The following ATP5F1A variants were observed in gnomAD, a reference collection of about 807,000 sequenced individuals.
ATP5F1A encodes ATP synthase F1 subunit alpha, also known as ATP synthase F(1) complex subunit alpha, mitochondrial.
ATP5F1A carries 24 observed loss-of-function variants against 57.4 expected under a neutral mutation model. The ratio of observed to expected loss-of-function variants is 0.42; its 90% CI spans 0.30 to 0.59. The LOEUF is 0.59. ATP5F1A is among the 20% of genes least tolerant of loss of function. The pLI is 0.19. For missense variants in ATP5F1A, 494 were observed against 707.9 expected (o/e 0.70, Z 3.43); for synonymous variants, 251 against 255.5 (o/e 0.98, Z 0.17).
Position 46,091,686 on chromosome 18 carries a change from A to G in ATP5F1A, c.305T>C (p.Leu102Ser). The G allele has an allele frequency of 6.3e-7, 1 of 1,597,100 alleles. No individual in the cohort carries two copies. The highest frequency in any genetic ancestry group is 8.5e-7 in the Non-Finnish European group (1 of 1,173,802). ...AEEMVEFSSG[L>S]KGMSLNLEPD... ...AAATCTTATTTTATAATTTACCTTT[A>G]AGCCTGAAGAAAACTCTACCATTTC... is the stretch of plus-strand genomic sequence containing the variant. Residue 102 changes from leucine (L) to serine (S), a missense_variant, in exon 3 of 12, where the codon TTA (leucine) becomes TCA (serine). By Grantham distance (145) the Leu-to-Ser change is moderately radical (BLOSUM62 -2). Transcript: ENST00000398752.
intron 2 of ATP5F1A, among the ~76,000 whole-genome samples, chr18:46,092,416 C>T (rs1910633663): frequency 6.6e-6 from 1 of 150,732 alleles, no homozygotes; most frequent in South Asian, 2.1e-4. Context: ...CGAGACCAGC[C>T]TGGCCAACAT....
rs370409379 is a variant in ATP5F1A, at chr18:46,081,953, A to C, written c.*2329T>G. The C allele has an allele frequency of 6.6e-6, 1 of 151,898 alleles. No individual in the cohort carries two copies. The highest frequency in any genetic ancestry group is 1.5e-5 in the Non-Finnish European group (1 of 67,984). The allele number at this position is 151,898 out of a possible 1,614,324, so 9.4% of individuals were successfully genotyped here. On this transcript the variant is annotated 3_prime_UTR_variant, in exon 12 of 12. Transcript: ENST00000398752. ...TACTGGAGACAGAGAGATGGATAAG[A>C]ATGAAGTTTCGGTACAGCAAATCCC... is the stretch of plus-strand genomic sequence containing the variant.
chr18:46,098,955 G>A (rs959545977), upstream of ATP5F1A, among the ~76,000 whole-genome samples: 5 of 152,194 alleles, frequency 3.3e-5, no homozygotes, highest in African/African-American at 1.2e-4. Context: ...ATAACCGGGG[G>A]AGGGGAGCAT....
In ATP5F1A at chr18:46,089,723, C is replaced by T. The variant is rs896623467; in HGVS notation, c.493G>A (p.Gly165Ser). Residue 165 changes from glycine (G) to serine (S), a missense_variant, in exon 5 of 12, where the codon GGT (glycine) becomes AGT (serine). This residue lies in a region of ATP5F1A where 191 missense variants were observed against 267.7 expected (regional missense o/e 0.71). Transcript: ENST00000398752. ...CCAACTCGCCTACGCGTCTTGGAAC[C>T]AATTGGACCCTGTTAAAAAATAAAA... ...GNAIDGKGPI[G>S]SKTRRRVGLK... The T allele has an allele frequency of 1.2e-6, 2 of 1,613,484 alleles. No homozygotes were observed. Among genetic ancestry groups the T allele is most frequent in the South Asian group, 1.1e-5 (1 of 90,978 alleles).
Position 46,082,315 on chromosome 18 carries a change from A to AG in ATP5F1A, c.*1966dup, listed in dbSNP as rs950274271. 6.9e-6 allele frequency: 1 copy of AG among 145,108 alleles called. No individual in the cohort carries two copies. Among genetic ancestry groups the AG allele is most frequent in the Non-Finnish European group, 1.5e-5 (1 of 66,616 alleles). 9.0% of individuals were successfully genotyped at this position (145,108 alleles called of 1,614,324 possible). A position where few individuals can be genotyped will look rare whatever the true frequency, so the allele number is the denominator to read the frequency against. ...TGAGGCAGGAGAACGGCGCAAACCCAGGGGGCAGAGCTTGCAGTGAGCCGA... is the reference window on the plus strand; with the variant it reads ...TGAGGCAGGAGAACGGCGCAAACCCAGGGGGGCAGAGCTTGCAGTGAGCCGA... On this transcript the variant is annotated 3_prime_UTR_variant, in exon 12 of 12. Coordinates refer to ENST00000398752, the MANE Select transcript of ATP5F1A (RefSeq NM_004046.6).
In ATP5F1A at chr18:46,089,605, C is replaced by T; in HGVS notation, c.611G>A (p.Arg204His). Reference sequence around the variant, plus strand: ...ACCAATAATCAGTTCACGCTGACCACGACCAATTGGCACCAAGCTATCCAC... The same window carrying T: ...ACCAATAATCAGTTCACGCTGACCATGACCAATTGGCACCAAGCTATCCAC... ...KAVDSLVPIG[R>H]GQRELIIGDR... Residue 204 changes from arginine (R) to histidine (H), a missense_variant, in exon 5 of 12, where the codon CGT becomes CAT. Around this residue, in one of 6 missense-constraint regions of ATP5F1A, gnomAD observed 191 missense variants for 267.7 expected, o/e 0.71. Coordinates refer to ENST00000398752, the MANE Select transcript of ATP5F1A (RefSeq NM_004046.6). The T allele has an allele frequency of 1.9e-6, 3 of 1,614,194 alleles. No individual in the cohort carries two copies. The highest frequency in any genetic ancestry group is 1.7e-6 in the Non-Finnish European group (2 of 1,180,034).
rs746180623 is a variant in ATP5F1A, at chr18:46,084,511, T to C, written c.1573A>G (p.Thr525Ala). 6.3e-7 allele frequency: 1 copy of C among 1,595,328 alleles called. No homozygotes were observed. The change falls in exon 11 of 12, where the codon ACT becomes GCT. Residue 525 changes from threonine (T) to alanine (A), a missense_variant. Around this residue, in one of 6 missense-constraint regions of ATP5F1A, gnomAD observed 127 missense variants for 195.2 expected, o/e 0.65. Coordinates refer to ENST00000398752, the MANE Select transcript of ATP5F1A (RefSeq NM_004046.6). ...CAACAATTGCATTCATACCTGATAG[T>C]GCCCAACAAGGCTTGGTGCTGGCTG... Reference protein sequence around the residue: ...VVSQHQALLGTIRADGKISEQ... With the variant: ...VVSQHQALLGAIRADGKISEQ...
At chr18:46,085,028 G>T in intron 10 of ATP5F1A, 1 of 159,948 alleles carries the variant, frequency 6.3e-6, no homozygotes, top group Non-Finnish European at 1.4e-5. Context: ...AGTGGGGGAG[G>T]GGACTCTAAC....
rs754440949 is a variant in ATP5F1A at position 46,089,545 on chromosome 18, A to G, written c.650+21T>C. On this transcript the variant is annotated intron_variant, in intron 5 of 11. Coordinates refer to ENST00000398752, the MANE Select transcript of ATP5F1A (RefSeq NM_004046.6). ...TGAGCAAATTTTAGTTAGAACTTTT[A>G]ATATGCTTTTGAGTCTTTACCCAGT... 9 of 1,610,516 alleles carry G rather than the reference A, an allele frequency of 5.6e-6. 1 individual carries two copies. In the Admixed American group the frequency reaches 6.8e-5, roughly 12 times the overall value.
chr18:46,085,087 G>A (rs1465373801), intron 10 of ATP5F1A: 1 of 152,918 alleles, frequency 6.5e-6, no homozygotes, highest in Non-Finnish European at 1.5e-5. Context: ...AAGTTTTCCT[G>A]GTTGTGAAGC....
chr18:46,100,480 C>T (rs950593192), upstream of ATP5F1A, among the ~76,000 whole-genome samples: 7 of 152,134 alleles, frequency 4.6e-5, no homozygotes, highest in Non-Finnish European at 8.8e-5. Context: ...AACAGTGGCT[C>T]ATGCCTGTAA....
At chr18:46,090,693 G>T (rs1910492989) in intron 3 of ATP5F1A, among the ~76,000 whole-genome samples, 1 of 152,108 alleles carries the variant, frequency 6.6e-6, no homozygotes, top group South Asian at 2.1e-4. Flanking sequence ...CTACATCTCT[G>T]ATGTTCAATA....
chr18:46,099,424 T>C (rs1375925821), upstream of ATP5F1A: 1 of 152,058 alleles, frequency 6.6e-6, no homozygotes, highest in African/African-American at 2.4e-5. Context: ...CTTATTAACG[T>C]TGCCTTCACT....
Position 46,089,885 on chromosome 18 carries a change from G to C in ATP5F1A, c.421C>G (p.Pro141Ala). The C allele has an allele frequency of 1.2e-6, 2 of 1,613,824 alleles. No individual in the cohort carries two copies. Among genetic ancestry groups the C allele is most frequent in the East Asian group, 4.5e-5 (2 of 44,880 alleles). The change falls in exon 4 of 12, where the codon CCA (proline) becomes GCA (alanine). Residue 141 changes from proline to alanine, a missense_variant. Pro to Ala is a conservative substitution (Grantham distance 27, BLOSUM62 -1). Transcript: ENST00000398752. ...VKRTGAIVDV[P>A]VGEELLGRVV... ...CGACCCAACAGCTCCTCACCAACTG[G>C]AACGTCCACAATGGCTCCTGTCCTC... is the stretch of plus-strand genomic sequence containing the variant.
Position 46,080,656 on chromosome 18 carries a change from C to G in ATP5F1A, c.*3626G>C, listed in dbSNP as rs1909689961. 1 of 151,900 alleles carries G rather than the reference C, an allele frequency of 6.6e-6. No individual in the cohort carries two copies. Among genetic ancestry groups the G allele is most frequent in the African/African-American group, 2.4e-5 (1 of 41,312 alleles). 9.4% of individuals were successfully genotyped at this position (151,900 alleles called of 1,614,324 possible). A position where few individuals can be genotyped will look rare whatever the true frequency, so the allele number is the denominator to read the frequency against. On this transcript the variant is annotated 3_prime_UTR_variant, in exon 12 of 12. Transcript: ENST00000398752. ...AGAGTCAGGGTCTCTGTCACCTAGG[C>G]TGGAGTGCAGTGGCGTGATCATAGC... is the stretch of plus-strand genomic sequence containing the variant.
At chr18:46,088,397 G>A (rs1910284945) in intron 5 of ATP5F1A, 140 bp from the exon 6 acceptor site, 2 of 769,190 alleles carry the variant, frequency 2.6e-6, no homozygotes, top group Admixed American at 7.1e-5. Flanking sequence ...TCTGTACTAA[G>A]AAAAATTCTT....
chr18:46,094,905 T>A, intron 2 of ATP5F1A, 148 bp downstream of exon 2: 1 of 1,209,092 alleles, frequency 8.3e-7, no homozygotes, highest in East Asian at 2.8e-5. Context: ...CAGGGCTAAA[T>A]GGTAACAATA....
Position 46,084,201 on chromosome 18 carries a change from G to A in ATP5F1A, c.*81C>T, listed in dbSNP as rs1218356186. ...TGATTTCTGTACATAAGGAGTATGA[G>A]AGTAACCCTTTTACAAATGGAACTA... On this transcript the variant is annotated 3_prime_UTR_variant, in exon 12 of 12. Coordinates refer to ENST00000398752, the MANE Select transcript of ATP5F1A (RefSeq NM_004046.6). 8.3e-6 allele frequency: 10 copies of A among 1,203,234 alleles called. No individual in the cohort carries two copies. Among genetic ancestry groups the A allele is most frequent in the South Asian group, 1.3e-5 (1 of 74,440 alleles). 74.5% of individuals were successfully genotyped at this position (1,203,234 alleles called of 1,614,324 possible). A position where few individuals can be genotyped will look rare whatever the true frequency, so the allele number is the denominator to read the frequency against.
intron 2 of ATP5F1A, among the ~76,000 whole-genome samples, chr18:46,093,717 G>A (rs899003112): frequency 1.3e-5 from 2 of 152,070 alleles, no homozygotes; most frequent in Non-Finnish European, 2.9e-5. Flanking sequence ...CTAGCCACTA[G>A]GGAAGCTGAC....
Sources: allele counts gnomAD v4.1 joint callset (sites outside exome capture counted in the v4.1 genomes callset), GRCh38; gene constraint gnomAD v4.1.1; regional missense constraint gnomAD v4.1.1; transcripts MANE v1.5; gene names NCBI Gene and HGNC (gene_info 2026-07-23, HGNC 2026-07-21).